MROH9: variants seen among roughly 807,000 people sequenced by gnomAD.
MROH9 encodes the protein maestro heat-like repeat-containing protein family member 9.
A neutral mutation model predicts 98.2 loss-of-function variants in MROH9; 92 were observed. The ratio of observed to expected loss-of-function variants is 0.94; its 90% confidence interval spans 0.79 to 1.11. The LOEUF (loss-of-function observed/expected upper bound fraction) is 1.11. Ranked by LOEUF, MROH9 falls within the 50% of genes most tolerant of loss-of-function variation. The probability of loss-of-function intolerance (pLI) is 0.00; values close to 1 mark genes in which losing one functional copy is unlikely to be tolerated. For synonymous variants in MROH9, 397 were observed against 368.9 expected, an observed-to-expected ratio of 1.08 and a Z score of -0.87; for missense variants, 1,057 against 1,014.8, an observed-to-expected ratio of 1.04 and a Z score of -0.57.
intron 17 of MROH9, among the ~76,000 whole-genome samples, chr1:171,022,742 G>C (rs1397266869): frequency 6.6e-6 from 1 of 151,890 alleles, no homozygotes; most frequent in Non-Finnish European, 1.5e-5. Context: ...TTCTGCACTT[G>C]TATCCCAGAA....
chr1:170,963,517 A>G (rs1451509525), intron 6 of MROH9, among the ~76,000 whole-genome samples: 4 of 152,182 alleles, frequency 2.6e-5, no homozygotes, highest in Non-Finnish European at 5.9e-5. Context: ...GTTCTGTCAT[A>G]AAGACAAATG....
At chr1:170,970,512 A>G (rs1385146483) in intron 7 of MROH9, among the ~76,000 whole-genome samples, 2 of 152,140 alleles carry the variant, frequency 1.3e-5, no homozygotes, top group Admixed American at 1.3e-4. Flanking sequence ...CAGAGCTCCT[A>G]TAAGGGGAAG....
At position 171,025,417 on chromosome 1, in the gene MROH9, A is replaced by G; in HGVS notation, c.2278A>G (p.Ile760Val). ...TYLKRASVIL[I>V]GYLAKSGGHL... ...TCTTAAGAGGGCATCGGTTATTTTG[A>G]TAGGTAAATATAATTCAGTTCTCAA... is the stretch of plus-strand genomic sequence containing the variant. The change falls in exon 20 of 22, where the codon ATA becomes GTA. Residue 760 changes from isoleucine (I) to valine (V), a missense_variant. Ile to Val is a conservative substitution (Grantham distance 29, BLOSUM62 3). Transcript: ENST00000367759. 6.6e-7 allele frequency: 1 copy of G among 1,525,270 alleles called. No homozygotes were observed. The highest frequency in any genetic ancestry group is 8.9e-7 in the Non-Finnish European group (1 of 1,123,890). 94.5% of individuals were successfully genotyped at this position (1,525,270 alleles called of 1,614,324 possible).
intron 15 of MROH9, among the ~76,000 whole-genome samples, chr1:171,001,475 T>A (rs922033596): frequency 1.3e-5 from 2 of 152,170 alleles, no homozygotes; most frequent in African/African-American, 2.4e-5. Flanking sequence ...AAAACTTTTT[T>A]AAATTTCCAT....
At chr1:170,965,116 T>G (rs1418729600) in intron 6 of MROH9, 35 bp from the exon 7 acceptor site, 2 of 1,486,384 alleles carry the variant, frequency 1.3e-6, no homozygotes, top group South Asian at 2.4e-5. Flanking sequence ...AATGGAAATT[T>G]CATGGTTCTA....
intron 14 of MROH9, among the ~76,000 whole-genome samples, 159 bp from the exon 15 acceptor site, chr1:170,997,995 A>G (rs1394084245): frequency 6.6e-6 from 1 of 152,168 alleles, no homozygotes; most frequent in Non-Finnish European, 1.5e-5. Flanking sequence ...AATTCTCCAG[A>G]GTATGTGTAG....
intron 11 of MROH9, 142 bp downstream of exon 11, chr1:170,990,145 T>C (rs1213314234): frequency 7.3e-6 from 6 of 820,466 alleles, no homozygotes; most frequent in South Asian, 5.0e-5. Flanking sequence ...TTTTGCACCA[T>C]GTGGGATACT....
chr1:170,964,992 A>C (rs1318506853), intron 6 of MROH9, among the ~76,000 whole-genome samples, 159 bp from the exon 7 acceptor site: 1 of 152,086 alleles, frequency 6.6e-6, no homozygotes, highest in African/African-American at 2.4e-5. Flanking sequence ...GTAGTATACT[A>C]GATGCTTATT....
At chr1:170,952,355 G>A (rs1411172064) in intron 3 of MROH9, among the ~76,000 whole-genome samples, 1 of 152,080 alleles carries the variant, frequency 6.6e-6, no homozygotes, top group Admixed American at 6.6e-5. Flanking sequence ...CAAACCAAAT[G>A]TCCATCAATG....
intron 14 of MROH9, among the ~76,000 whole-genome samples, chr1:170,997,325 T>C (rs1182585196): frequency 6.6e-6 from 1 of 152,102 alleles, no homozygotes; most frequent in Non-Finnish European, 1.5e-5. Flanking sequence ...GTGTAGTACA[T>C]CTGCACCCTG....
At chr1:171,061,958 A>G (rs1400395377) in intron 20 of MROH9, among the ~76,000 whole-genome samples, 174 bp from the exon 21 acceptor site, 1 of 152,212 alleles carries the variant, frequency 6.6e-6, no homozygotes, top group Non-Finnish European at 1.5e-5. Context: ...ATACTCTCAT[A>G]TATCTTTCAA....
At position 171,053,532 on chromosome 1, in the gene MROH9, T is replaced by C. The variant is rs116646316; in HGVS notation, c.2282-8600T>C. Among the ~76,000 whole-genome samples the C allele has an allele frequency of 5.1e-3, 770 of 152,254 alleles. 12 individuals are homozygous for C. Among genetic ancestry groups the C allele is most frequent in the African/African-American group, 0.018 (730 of 41,544 alleles). On this transcript the variant is annotated intron_variant, in intron 20 of 21. Coordinates refer to ENST00000367759, the MANE Select transcript of MROH9 (RefSeq NM_001163629.2). Reference sequence around the variant, plus strand: ...GATAAATTACCCAGAGACTCAAATTTTCTACACACAATTTCATACACAGTA... The same window carrying C: ...GATAAATTACCCAGAGACTCAAATTCTCTACACACAATTTCATACACAGTA...
chr1:170,986,350 T>C (rs1356254703), intron 9 of MROH9, among the ~76,000 whole-genome samples: 2 of 152,202 alleles, frequency 1.3e-5, no homozygotes, highest in African/African-American at 4.8e-5. Flanking sequence ...ATAATTTCAC[T>C]TGGATTATAG....
chr1:171,037,886 T>C (rs546528734), intron 20 of MROH9, among the ~76,000 whole-genome samples: 3 of 152,138 alleles, frequency 2.0e-5, no homozygotes, highest in South Asian at 4.1e-4. Context: ...CCATCTGGAA[T>C]TTTTAGAATA....
intron 20 of MROH9, among the ~76,000 whole-genome samples, chr1:171,030,273 G>A (rs1036248496): frequency 2.0e-5 from 3 of 151,736 alleles, no homozygotes; most frequent in Non-Finnish European, 2.9e-5. Flanking sequence ...AGGGCTTTTC[G>A]TGTCTCTATC....
In MROH9 at chr1:171,008,244, AT is replaced by A. The variant is rs200297775; in HGVS notation, c.1597-5867del. On this transcript the variant is annotated intron_variant, in intron 15 of 21. Coordinates refer to ENST00000367759, the MANE Select transcript of MROH9 (RefSeq NM_001163629.2). ...CTGTATTTTGACAGTGAACAACATAATTTTTTATGTAACTTATTAATAATAT... is the reference window on the plus strand; with the variant it reads ...CTGTATTTTGACAGTGAACAACATAATTTTTATGTAACTTATTAATAATAT... Among the ~76,000 whole-genome samples, 1,198 of 152,254 alleles carry A rather than the reference AT, an allele frequency of 7.9e-3. 7 individuals carry two copies. Among genetic ancestry groups the A allele is most frequent in the Non-Finnish European group, 0.013 (870 of 68,008 alleles).
At chr1:170,951,838 T>C (rs1053830809) in intron 3 of MROH9, among the ~76,000 whole-genome samples, 2 of 152,168 alleles carry the variant, frequency 1.3e-5, no homozygotes, top group African/African-American at 4.8e-5. Flanking sequence ...TTCAGTCACC[T>C]GTGGCTTTAG....
At chr1:171,023,550 T>A (rs1321106790) in intron 17 of MROH9, among the ~76,000 whole-genome samples, 1 of 152,204 alleles carries the variant, frequency 6.6e-6, no homozygotes, top group East Asian at 1.9e-4. Context: ...TTTTCACAGT[T>A]TTTTTAATGC....
At chr1:171,031,354 T>C (rs1466534207) in intron 20 of MROH9, among the ~76,000 whole-genome samples, 1 of 152,188 alleles carries the variant, frequency 6.6e-6, no homozygotes, top group Admixed American at 6.5e-5. Context: ...TGCACACTAG[T>C]TGATGCAGTT....
Sources: allele counts gnomAD v4.1 joint callset (sites outside exome capture counted in the v4.1 genomes callset), GRCh38; gene constraint gnomAD v4.1.1; transcripts MANE v1.5; gene names NCBI Gene and HGNC (gene_info 2026-07-23, HGNC 2026-07-21).